The following CEP162 variants were observed in gnomAD, a reference collection of about 807,000 sequenced individuals.
CEP162 encodes the protein centrosomal protein of 162 kDa.
Under a neutral mutation model 169.2 loss-of-function variants are expected in CEP162, and 141 were observed. The observed-to-expected ratio is 0.83, with a 90% CI of 0.73 to 0.96. CEP162 has a LOEUF of 0.96. Among genes scored for constraint, CEP162 ranks in the 40% least tolerant of loss-of-function variants. The pLI, the probability that CEP162 is intolerant of heterozygous loss-of-function variation, is 0.00. For missense variants in CEP162, 1,600 were observed against 1,587.2 expected, an observed-to-expected ratio of 1.01 and a Z score of -0.14; for synonymous variants, 540 against 526.4, an observed-to-expected ratio of 1.03 and a Z score of -0.35.
chr6:84,147,575 T>G (rs1457707221), intron 24 of CEP162, among the ~76,000 whole-genome samples: 1 of 152,132 alleles, frequency 6.6e-6, no homozygotes, highest in Non-Finnish European at 1.5e-5. Flanking sequence ...ATTCTTTGCA[T>G]GTAGCAAACA....
At chr6:84,221,927 C>T (rs147804231) in intron 2 of CEP162, among the ~76,000 whole-genome samples, 31 of 152,152 alleles carry the variant, frequency 2.0e-4, no homozygotes, top group African/African-American at 7.0e-4. Context: ...TGTATCTTCA[C>T]TCCCTTCTCT....
rs1174291481 is a variant in CEP162 at position 84,174,943 on chromosome 6, T to A, written c.1809A>T (p.Gly603=). 6.3e-7 allele frequency: 1 copy of A among 1,593,016 alleles called. No individual in the cohort carries two copies. Among genetic ancestry groups the A allele is most frequent in the Non-Finnish European group, 8.6e-7 (1 of 1,166,694 alleles). The change falls in exon 15 of 27, where the codon GGA becomes GGT. Residue 603 remains glycine (G), a synonymous_variant. Transcript: ENST00000403245. ...SCIQFQTDSL[G]YCGENKEKKL... ...TCTTCTCCTTGTTCTCACCACAGTA[T>A]CCTAAGGAATCCTTTCAAGACAAAG...
intron 9 of CEP162, among the ~76,000 whole-genome samples, chr6:84,196,562 A>G (rs2099542227): frequency 6.6e-6 from 1 of 152,200 alleles, no homozygotes; most frequent in South Asian, 2.1e-4. Context: ...AATTTTCATT[A>G]CTAACAAGTG....
At chr6:84,220,898 T>C in intron 3 of CEP162, 159 bp downstream of exon 3, 1 of 445,600 alleles carries the variant, frequency 2.2e-6, no homozygotes, top group South Asian at 4.9e-5. Flanking sequence ...AATAAATACA[T>C]AATAAAGTAC....
chr6:84,161,766 T>C lies in CEP162; in HGVS notation c.2656A>G (p.Ile886Val). Reference sequence around the variant, plus strand: ...ATTACCTCAAGTTTGAGCTTCTCAATTTCCTCATTTGCTTCTCTAAGCCGA... The same window carrying C: ...ATTACCTCAAGTTTGAGCTTCTCAACTTCCTCATTTGCTTCTCTAAGCCGA... ...ALRLREANEE[I>V]EKLKLEIEKL... Residue 886 changes from isoleucine to valine, a missense_variant, in exon 20 of 27, where the codon ATT becomes GTT. Transcript: ENST00000403245. The C allele has an allele frequency of 6.3e-7, 1 of 1,594,510 alleles. No homozygotes were observed. Among genetic ancestry groups the C allele is most frequent in the Middle Eastern group, 1.7e-4 (1 of 5,990 alleles).
In CEP162 at chr6:84,175,284, T is replaced by A. The variant is rs1224240282; in HGVS notation, c.1727A>T (p.Glu576Val). Residue 576 changes from glutamate (E) to valine (V), a missense_variant, in exon 14 of 27, where the codon GAA (glutamate) becomes GTA (valine). Glu to Val is a moderately radical substitution (Grantham distance 121). Coordinates refer to ENST00000403245, the MANE Select transcript of CEP162 (RefSeq NM_014895.4). ...AALDKPAHKT[E>V]SCLSTRKKSE... The stretch of plus-strand genomic sequence containing the variant: ...CTTCTTACGAGTAGACAGGCAACTT[T>A]CAGTTTTGTGAGCTGGTTTATCCAA... 1 of 1,547,652 alleles carries A rather than the reference T, an allele frequency of 6.5e-7. No homozygotes were observed. Among genetic ancestry groups the A allele is most frequent in the Non-Finnish European group, 8.7e-7 (1 of 1,144,686 alleles).
At chr6:84,149,734 A>T (rs200647628) in intron 23 of CEP162, 31 bp from the exon 24 acceptor site, 3 of 1,447,526 alleles carry the variant, frequency 2.1e-6, no homozygotes, top group Non-Finnish European at 2.7e-6. Context: ...AACCACACAT[A>T]AAAGTGGCTC....
At chr6:84,186,841 T>A (rs1267159162) in intron 11 of CEP162, among the ~76,000 whole-genome samples, 1 of 152,184 alleles carries the variant, frequency 6.6e-6, no homozygotes, top group Non-Finnish European at 1.5e-5. Context: ...TAATGCAGTA[T>A]AATGCAAAGG....
chr6:84,183,811 T>G (rs1221142259), intron 13 of CEP162, among the ~76,000 whole-genome samples: 5 of 152,190 alleles, frequency 3.3e-5, no homozygotes, highest in Non-Finnish European at 1.5e-5. Flanking sequence ...AACTTAATTG[T>G]TATTTAAGTT....
chr6:84,150,773 GAA>G (rs2099520792), intron 23 of CEP162, among the ~76,000 whole-genome samples: 1 of 152,124 alleles, frequency 6.6e-6, no homozygotes, highest in Non-Finnish European at 1.5e-5. Context: ...CAGGACTTAA[GAA>G]ACAAGCTTTC....
rs779083268 is a variant in CEP162 at position 84,152,657 on chromosome 6, A to G, written c.3517T>C (p.Leu1173=). 2 of 1,608,628 alleles carry G rather than the reference A, an allele frequency of 1.2e-6. No homozygotes were observed. Among genetic ancestry groups the G allele is most frequent in the African/African-American group, 1.3e-5 (1 of 74,824 alleles). ...TTTTTTAATCTGTAGTTTTCTTGTA[A>G]AACTTCTGAAACATGGGAATCAGTG... The part of the protein sequence containing the change: ...TFTDSHVSEV[L]QENYRLKNEL... The change falls in exon 23 of 27, where the codon TTA becomes CTA. Residue 1173 remains leucine (L), a synonymous_variant. Coordinates refer to ENST00000403245, the MANE Select transcript of CEP162 (RefSeq NM_014895.4).
chr6:84,194,336 C>A (rs1422413237), intron 10 of CEP162, among the ~76,000 whole-genome samples: 2 of 132,798 alleles, frequency 1.5e-5, no homozygotes, highest in African/African-American at 6.1e-5. Flanking sequence ...GCCTGGGCGA[C>A]AGAGCAAGAC....
chr6:84,170,405 G>GT (rs1480022689), intron 17 of CEP162, among the ~76,000 whole-genome samples: 1 of 136,904 alleles, frequency 7.3e-6, no homozygotes, highest in African/African-American at 2.8e-5. Context: ...AAAAAAAAGC[G>GT]TAAGTAAATG....
Position 84,126,405 on chromosome 6 carries a change from A to G in CEP162, c.3978T>C (p.His1326=), listed in dbSNP as rs1212289866. The G allele has an allele frequency of 2.5e-6, 4 of 1,603,232 alleles. No homozygotes were observed. The highest frequency in any genetic ancestry group is 3.4e-5 in the Admixed American group (2 of 58,572). ...EKKIKQMEMR[H]AQREQELQQI... is the part of the protein sequence containing the mutation. ...GTTGAAGTTCCTGTTCTCTTTGTGC[A>G]TGTCTCATTTCCATCTGCTTAATTT... The change falls in exon 26 of 27, where the codon CAT becomes CAC. Residue 1326 remains histidine, a synonymous_variant. Transcript: ENST00000403245.
At chr6:84,220,948 C>G in intron 3 of CEP162, 109 bp downstream of exon 3, 1 of 574,840 alleles carries the variant, frequency 1.7e-6, no homozygotes, top group Non-Finnish European at 3.1e-6. Context: ...AAAATCCACA[C>G]TATTAGTATT....
At chr6:84,143,653 C>T (rs756134408) in intron 25 of CEP162, among the ~76,000 whole-genome samples, 5 of 151,814 alleles carry the variant, frequency 3.3e-5, no homozygotes, top group Admixed American at 6.6e-5. Flanking sequence ...TGAGAATGCA[C>T]GAATATCTTG....
chr6:84,221,197 T>C (rs751909423), intron 2 of CEP162, 26 bp from the exon 3 acceptor site: 14 of 1,097,036 alleles, frequency 1.3e-5, no homozygotes, highest in Non-Finnish European at 1.8e-5. Flanking sequence ...GACATTCAAT[T>C]TGAAAATACA....
At chr6:84,137,421 G>C (rs866133424) in intron 25 of CEP162, among the ~76,000 whole-genome samples, 1 of 151,978 alleles carries the variant, frequency 6.6e-6, no homozygotes, top group Admixed American at 6.6e-5. Context: ...GAATATTTGC[G>C]ACAAATTACA....
At chr6:84,163,741 G>A (rs765927219) in intron 18 of CEP162, among the ~76,000 whole-genome samples, 4 of 151,740 alleles carry the variant, frequency 2.6e-5, no homozygotes, top group Non-Finnish European at 5.9e-5. Flanking sequence ...CAAGGTGGGC[G>A]GATCACTTGA....
Sources: gnomAD v4.1 joint callset for allele counts (sites outside exome capture counted in the v4.1 genomes callset) on GRCh38, gnomAD v4.1.1 for gene constraint, MANE v1.5 for transcripts, NCBI Gene and HGNC (gene_info 2026-07-23, HGNC 2026-07-21) for gene names.